The following NECAB2 variants were observed in gnomAD, a reference collection of about 807,000 sequenced individuals.
NECAB2 encodes N-terminal EF-hand calcium binding protein 2.
NECAB2 carries 68 observed loss-of-function variants against 51.9 expected under a neutral mutation model. That is an observed-to-expected ratio of 1.31 (90% confidence interval 1.08 to 1.60). NECAB2 has a LOEUF of 1.60. NECAB2 is among the 40% of genes most tolerant of loss of function. NECAB2 has a pLI of 0.00. For missense variants in NECAB2, 854 were observed against 490.3 expected, an observed-to-expected ratio of 1.74 and a Z score of -7.00; for synonymous variants, 329 against 203.5, an observed-to-expected ratio of 1.62 and a Z score of -5.25.
intron 2 of NECAB2, among the ~76,000 whole-genome samples, chr16:83,972,783 A>G (rs1478630222): frequency 6.6e-6 from 1 of 152,174 alleles, no homozygotes; most frequent in East Asian, 1.9e-4. Flanking sequence ...CGGAATTCAT[A>G]GCGCTCCACT....
intron 10 of NECAB2, among the ~76,000 whole-genome samples, chr16:84,000,168 C>A (rs147248469): frequency 6.6e-6 from 1 of 152,096 alleles, no homozygotes; most frequent in African/African-American, 2.4e-5. Flanking sequence ...TCCCAAAGTT[C>A]TGCGATTACA....
At chr16:83,990,185 C>T (rs985693585) in intron 5 of NECAB2, among the ~76,000 whole-genome samples, 3 of 152,172 alleles carry the variant, frequency 2.0e-5, no homozygotes, top group African/African-American at 7.2e-5. Flanking sequence ...GCATTGTACA[C>T]GCATGTTGCT....
chr16:83,986,956 G>A (rs1220073365), intron 5 of NECAB2, among the ~76,000 whole-genome samples: 1 of 152,080 alleles, frequency 6.6e-6, no homozygotes, highest in Non-Finnish European at 1.5e-5. Context: ...TGGGTGACGG[G>A]TACACTAGAA....
Position 84,000,624 on chromosome 16 carries a change from G to A in NECAB2, c.963-100G>A, listed in dbSNP as rs181627789. On this transcript the variant is annotated intron_variant, in intron 10 of 12. Coordinates refer to ENST00000305202, the MANE Select transcript of NECAB2 (RefSeq NM_019065.3). ...ACAGGAAGAAACATTGAAGGCAGCC[G>A]TTGTGTATAGTGGTGGGTCTCAGGC... is the stretch of plus-strand genomic sequence containing the variant. 343 of 865,776 alleles carry A rather than the reference G, an allele frequency of 4.0e-4. 1 individual carries two copies. The East Asian group carries it at 4.6e-3, about 12-fold the overall frequency. 53.6% of individuals were successfully genotyped at this position (865,776 alleles called of 1,614,324 possible).
chr16:83,978,615 C>A, intron 3 of NECAB2, 63 bp downstream of exon 3: 2 of 1,371,246 alleles, frequency 1.5e-6, no homozygotes, highest in African/African-American at 1.5e-5. Context: ...GGCATCTTTT[C>A]ATCTAGTGTC....
chr16:83,967,546 T>C (rs1346284563), upstream of NECAB2, among the ~76,000 whole-genome samples: 9 of 111,770 alleles, frequency 8.1e-5, no homozygotes, highest in Non-Finnish European at 1.6e-4. Context: ...GGAGGGAGGA[T>C]AGATGGATGG....
chr16:83,981,046 C>G lies in NECAB2; in HGVS notation c.378C>G (p.His126Gln), dbSNP rs2084481652. ...TKELCDYFVD[H>Q]MGDYEDVLAS... ...CTTCCCCAGATTACTTTGTGGACCA[C>G]ATGGGTGACTATGAGGATGTCCTGG... The change falls in exon 5 of 13, where the codon CAC becomes CAG. Residue 126 changes from histidine (H) to glutamine (Q), a missense_variant. Physicochemically the swap from His to Gln is conservative, Grantham distance 24. Transcript: ENST00000305202. 2 of 1,614,022 alleles carry G rather than the reference C, an allele frequency of 1.2e-6. No homozygotes were observed. The highest frequency in any genetic ancestry group is 2.7e-5 in the African/African-American group (2 of 74,912).
chr16:83,978,585 T>G (rs1436237911), intron 3 of NECAB2, 33 bp downstream of exon 3: 18 of 1,549,206 alleles, frequency 1.2e-5, no homozygotes, highest in African/African-American at 2.8e-5. Flanking sequence ...AGAGTGGGGG[T>G]GTGTGTGGGC....
rs775251515 is a variant in NECAB2, at chr16:83,998,221, G to A, written c.866G>A (p.Arg289Gln). 2.2e-5 allele frequency: 36 copies of A among 1,610,480 alleles called. No individual in the cohort carries two copies. The highest frequency in any genetic ancestry group is 2.0e-4 in the East Asian group (9 of 44,870). The change falls in exon 10 of 13, where the codon CGG becomes CAG. Residue 289 changes from arginine (R) to glutamine (Q), a missense_variant. By Grantham distance (43) the Arg-to-Gln change is conservative (BLOSUM62 1). Coordinates refer to ENST00000305202, the MANE Select transcript of NECAB2 (RefSeq NM_019065.3). The stretch of plus-strand genomic sequence containing the variant: ...GCCCGGCAGCACCTGCAGCTGGTCC[G>A]GCAGGAGATGGCCGTGTGCCCCGAG... ...DGTNMHLQLV[R>Q]QEMAVCPEQL...
chr16:84,001,872 A>G lies in NECAB2; in HGVS notation c.1088A>G (p.Asp363Gly). 1.2e-6 allele frequency: 2 copies of G among 1,614,136 alleles called. No homozygotes were observed. The highest frequency in any genetic ancestry group is 1.7e-6 in the Non-Finnish European group (2 of 1,179,992). Residue 363 changes from aspartate to glycine, a missense_variant, in exon 12 of 13, where the codon GAC (aspartate) becomes GGC (glycine). By Grantham distance (94) the Asp-to-Gly change is moderately conservative (BLOSUM62 -1). Coordinates refer to ENST00000305202, the MANE Select transcript of NECAB2 (RefSeq NM_019065.3). The part of the protein sequence containing the change: ...LCKAFRHVKV[D>G]TLSQPEALSR... ...AAGGCGTTCCGGCACGTCAAGGTGGACACACTGAGCCAGCCTGAGGCCCTC... is the reference window on the plus strand; with the variant it reads ...AAGGCGTTCCGGCACGTCAAGGTGGGCACACTGAGCCAGCCTGAGGCCCTC...
rs771000402 is a variant in NECAB2, at chr16:83,990,518, G to A, written c.484G>A (p.Asp162Asn). ...KKVYEGGSNV[D>N]QFVTRFLLKE... ...GGTATATGAGGGTGGGAGCAACGTGGACCAGTTTGTGACCCGCTTCCTCCT... is the reference window on the plus strand; with the variant it reads ...GGTATATGAGGGTGGGAGCAACGTGAACCAGTTTGTGACCCGCTTCCTCCT... The change falls in exon 6 of 13, where the codon GAC becomes AAC. Residue 162 changes from aspartate to asparagine, a missense_variant. Physicochemically the swap from Asp to Asn is conservative, Grantham distance 23. Transcript: ENST00000305202. 6.2e-7 allele frequency: 1 copy of A among 1,614,078 alleles called. No homozygotes were observed. The highest frequency in any genetic ancestry group is 1.1e-5 in the South Asian group (1 of 91,082).
chr16:84,001,050 T>A (rs1232051480), intron 11 of NECAB2, among the ~76,000 whole-genome samples: 1 of 152,096 alleles, frequency 6.6e-6, no homozygotes, highest in Non-Finnish European at 1.5e-5. Flanking sequence ...TCTGTGCCCC[T>A]AGAGCACCTT....
Position 83,998,302 on chromosome 16 carries a change from T to C in NECAB2, c.947T>C (p.Val316Ala). The change falls in exon 10 of 13, where the codon GTG becomes GCG. Residue 316 changes from valine (V) to alanine (A), a missense_variant. By Grantham distance (64) the Val-to-Ala change is moderately conservative (BLOSUM62 0). Coordinates refer to ENST00000305202, the MANE Select transcript of NECAB2 (RefSeq NM_019065.3). ...CAGTATCTGCGGGGGACCACTGGCG[T>C]GAGGAACTGCTTCCAGTGAGTGAGC... Reference protein sequence around the residue: ...LRQYLRGTTGVRNCFHITAVR... With the variant: ...LRQYLRGTTGARNCFHITAVR... 1 of 1,613,458 alleles carries C rather than the reference T, an allele frequency of 6.2e-7. No individual in the cohort carries two copies. Among genetic ancestry groups the C allele is most frequent in the Non-Finnish European group, 8.5e-7 (1 of 1,179,980 alleles).
chr16:83,977,587 C>T (rs948853731), intron 2 of NECAB2, among the ~76,000 whole-genome samples: 2 of 152,096 alleles, frequency 1.3e-5, no homozygotes, highest in African/African-American at 4.8e-5. Context: ...AGCCCCTCCA[C>T]AGAGGAGCTG....
At chr16:83,966,313 T>G, upstream of NECAB2, 1 of 434,394 alleles carries the variant, frequency 2.3e-6, no homozygotes, top group Non-Finnish European at 4.1e-6. Flanking sequence ...AGGTCCCAAA[T>G]AAAGCCAGTG....
chr16:83,969,249 C>G (rs1229544400), intron 1 of NECAB2, among the ~76,000 whole-genome samples: 1 of 152,068 alleles, frequency 6.6e-6, no homozygotes, highest in African/African-American at 2.4e-5. Context: ...GGATCCTGTC[C>G]GGAGCGATAC....
At chr16:83,975,740 G>T (rs540526010) in intron 2 of NECAB2, among the ~76,000 whole-genome samples, 2 of 152,068 alleles carry the variant, frequency 1.3e-5, no homozygotes, top group Non-Finnish European at 2.9e-5. Flanking sequence ...GGACATGGAC[G>T]CTGACAGGCT....
At chr16:83,985,615 A>C (rs557501685) in intron 5 of NECAB2, among the ~76,000 whole-genome samples, 11 of 151,814 alleles carry the variant, frequency 7.2e-5, no homozygotes, top group Non-Finnish European at 1.2e-4. Context: ...CCTGGGCAAC[A>C]AGAGTGAGTC....
chr16:83,971,973 C>T (rs553807303), intron 1 of NECAB2, 178 bp from the exon 2 acceptor site: 1 of 779,962 alleles, frequency 1.3e-6, no homozygotes, highest in Non-Finnish European at 2.0e-6. Flanking sequence ...TCTGCAACAT[C>T]CCTCATCAGT....
Sources: allele counts gnomAD v4.1 joint callset (sites outside exome capture counted in the v4.1 genomes callset), GRCh38; gene constraint gnomAD v4.1.1; transcripts MANE v1.5; gene names NCBI Gene and HGNC (gene_info 2026-07-23, HGNC 2026-07-21).